The following ERC2 variants were observed in gnomAD, a reference collection of about 807,000 sequenced individuals.
The protein encoded by ERC2 is ELKS/RAB6-interacting/CAST family member 2.
Under a neutral mutation model 114.8 loss-of-function variants are expected in ERC2, and 42 were observed. The ratio of observed to expected loss-of-function variants is 0.37; its 90% CI spans 0.29 to 0.47. The LOEUF is 0.47. Ranked by LOEUF, ERC2 falls within the 20% of genes least tolerant of loss-of-function variation. The pLI is 0.99. For synonymous variants in ERC2, 454 were observed against 425.5 expected, an observed-to-expected ratio of 1.07 and a Z score of -0.82; for missense variants, 939 against 1,150.7, an observed-to-expected ratio of 0.82 and a Z score of 2.66.
At chr3:56,365,004 T>C (rs2059097275) in intron 2 of ERC2, among the ~76,000 whole-genome samples, 1 of 152,192 alleles carries the variant, frequency 6.6e-6, no homozygotes, top group Admixed American at 6.5e-5. Context: ...ATCGGAACAA[T>C]GGGATAATAA....
intron 2 of ERC2, among the ~76,000 whole-genome samples, chr3:56,398,504 C>T (rs933013071): frequency 6.6e-6 from 1 of 151,894 alleles, no homozygotes; most frequent in Non-Finnish European, 1.5e-5. Flanking sequence ...AAAAGTATCC[C>T]TTGTTTTTCT....
intron 14 of ERC2, among the ~76,000 whole-genome samples, chr3:55,791,273 C>A (rs1337029468): frequency 1.3e-5 from 2 of 151,668 alleles, no homozygotes; most frequent in Non-Finnish European, 2.9e-5. Flanking sequence ...CATTTAAATT[C>A]CAAAAAAGAA....
At chr3:56,155,721 T>C (rs1045316205) in intron 4 of ERC2, among the ~76,000 whole-genome samples, 23 of 152,088 alleles carry the variant, frequency 1.5e-4, no homozygotes, top group African/African-American at 5.5e-4. Context: ...AAAAATAATA[T>C]TATCACAGAG....
intron 14 of ERC2, among the ~76,000 whole-genome samples, chr3:55,871,184 AG>A (rs1559793966): frequency 6.6e-6 from 1 of 152,240 alleles, no homozygotes; most frequent in Non-Finnish European, 1.5e-5. Flanking sequence ...GTAAGCTCCC[AG>A]AAAGCTGGGA....
chr3:55,886,562 C>T lies in ERC2; in HGVS notation c.2564+1827G>A, dbSNP rs76910037. 2.0e-3 allele frequency among the ~76,000 whole-genome samples: 305 copies of T among 152,272 alleles called. 2 individuals carry two copies. Among genetic ancestry groups the T allele is most frequent in the African/African-American group, 7.0e-3 (291 of 41,568 alleles). On this transcript the variant is annotated intron_variant, in intron 14 of 17. Transcript: ENST00000288221. ...ATAACTTTAGATTCTAACATGAATA[C>T]ATTCATAAATGGACTTTCCACTTTG... is the stretch of plus-strand genomic sequence containing the variant.
intron 7 of ERC2, among the ~76,000 whole-genome samples, chr3:56,060,564 T>C (rs968311217): frequency 2.0e-5 from 3 of 152,174 alleles, no homozygotes; most frequent in African/African-American, 2.4e-5. Context: ...GGGTGCCCCA[T>C]ACCCAACAGG....
intron 17 of ERC2, among the ~76,000 whole-genome samples, chr3:55,576,951 G>C (rs931272127): frequency 2.6e-5 from 4 of 152,210 alleles, no homozygotes; most frequent in African/African-American, 9.6e-5. Context: ...GGAGAGTCTT[G>C]CCGTGCTCTG....
intron 2 of ERC2, among the ~76,000 whole-genome samples, chr3:56,329,936 T>G (rs940874579): frequency 4.7e-5 from 7 of 150,386 alleles, no homozygotes; most frequent in African/African-American, 1.7e-4. Flanking sequence ...TACATATATA[T>G]TTCAAATATA....
intron 7 of ERC2, among the ~76,000 whole-genome samples, chr3:56,053,594 C>T (rs2075869553): frequency 6.6e-6 from 1 of 152,146 alleles, no homozygotes; most frequent in African/African-American, 2.4e-5. Context: ...ACTTGATTCC[C>T]ATTGCTTTTC....
chr3:55,841,814 G>T (rs1218300063), intron 14 of ERC2, among the ~76,000 whole-genome samples: 1 of 152,234 alleles, frequency 6.6e-6, no homozygotes, highest in East Asian at 1.9e-4. Context: ...GAAACTCAAG[G>T]AAGGCCGCAT....
intron 12 of ERC2, among the ~76,000 whole-genome samples, chr3:55,959,449 A>C (rs1440904841): frequency 1.3e-5 from 2 of 152,198 alleles, no homozygotes; most frequent in Admixed American, 1.3e-4. Flanking sequence ...GGGTGACTGC[A>C]GATGCCCTCC....
chr3:55,767,393 A>C (rs940834357), intron 14 of ERC2, among the ~76,000 whole-genome samples: 1 of 152,168 alleles, frequency 6.6e-6, no homozygotes, highest in African/African-American at 2.4e-5. Flanking sequence ...AAGGCCACCT[A>C]TTCAGTTTCC....
intron 3 of ERC2, among the ~76,000 whole-genome samples, chr3:56,284,748 T>A (rs1378548842): frequency 6.6e-6 from 1 of 152,128 alleles, no homozygotes; most frequent in Non-Finnish European, 1.5e-5. Flanking sequence ...CCTCCATAAA[T>A]ACTCCTGAGA....
chr3:56,188,891 C>T (rs1038574885), intron 3 of ERC2, among the ~76,000 whole-genome samples: 1 of 152,164 alleles, frequency 6.6e-6, no homozygotes, highest in South Asian at 2.1e-4. Flanking sequence ...CGACTCTCCC[C>T]TCTTTGGTCT....
chr3:55,832,428 G>C (rs1183834110), intron 14 of ERC2, among the ~76,000 whole-genome samples: 1 of 152,224 alleles, frequency 6.6e-6, no homozygotes, highest in African/African-American at 2.4e-5. Context: ...GGAACGATCA[G>C]ACAGCAGCAT....
chr3:55,546,401 A>G (rs904870440), intron 17 of ERC2, among the ~76,000 whole-genome samples: 9 of 151,440 alleles, frequency 5.9e-5, no homozygotes, highest in African/African-American at 2.2e-4. Context: ...CTGCACCCCC[A>G]CCCCTTCTCT....
intron 7 of ERC2, among the ~76,000 whole-genome samples, chr3:56,049,365 A>C (rs1055479142): frequency 2.6e-5 from 4 of 152,234 alleles, no homozygotes; most frequent in African/African-American, 9.6e-5. Context: ...AAACAACTGC[A>C]GTTCACCCAT....
At position 56,081,052 on chromosome 3, in the gene ERC2, C is replaced by G; in HGVS notation, c.1474-68G>C. 3 of 1,544,276 alleles carry G rather than the reference C, an allele frequency of 1.9e-6. No homozygotes were observed. The South Asian group carries it at 3.6e-5, about 19-fold the overall frequency. ...GGTCATCAATAACCATCAATTGTGC[C>G]CTTTGAGGAGGCAGGGCAGCAGCAT... On this transcript the variant is annotated intron_variant, in intron 6 of 17. Transcript: ENST00000288221.
At chr3:55,847,824 A>C (rs545393803) in intron 14 of ERC2, among the ~76,000 whole-genome samples, 1 of 152,320 alleles carries the variant, frequency 6.6e-6, no homozygotes, top group South Asian at 2.1e-4. Flanking sequence ...TTTTTGAGAC[A>C]GAGTCTCACT....
Sources: allele counts gnomAD v4.1 joint callset (sites outside exome capture counted in the v4.1 genomes callset), GRCh38; gene constraint gnomAD v4.1.1; transcripts MANE v1.5; gene names NCBI Gene and HGNC (gene_info 2026-07-23, HGNC 2026-07-21).